The following HCN1 variants were observed in gnomAD, a reference collection of about 807,000 sequenced individuals.
The protein encoded by HCN1 is potassium/sodium hyperpolarization-activated cyclic nucleotide-gated channel 1.
A neutral mutation model predicts 78.9 loss-of-function variants in HCN1; 13 were observed. The ratio of observed to expected loss-of-function variants is 0.16; its 90% CI spans 0.11 to 0.26. The LOEUF (loss-of-function observed/expected upper bound fraction) is 0.26. HCN1 is among the 10% of genes least tolerant of loss of function. HCN1 has a pLI of 1.00. For synonymous variants in HCN1, 552 were observed against 455.5 expected (o/e 1.21, Z -2.70); for missense variants, 810 against 1,154.3 (o/e 0.70, Z 4.32).
intron 3 of HCN1, among the ~76,000 whole-genome samples, chr5:45,430,596 T>C (rs71616288): frequency 2.0e-5 from 3 of 152,098 alleles, no homozygotes; most frequent in South Asian, 2.1e-4. Flanking sequence ...TTGGGCTCCA[T>C]GTTGCTGCAA....
chr5:45,576,866 GC>G (rs1283689269), intron 2 of HCN1, among the ~76,000 whole-genome samples: 69 of 151,992 alleles, frequency 4.5e-4, no homozygotes. Context: ...TTCTCCATCA[GC>G]CCACCTTTCA....
At chr5:45,350,818 G>A (rs543727429) in intron 5 of HCN1, among the ~76,000 whole-genome samples, 2 of 152,196 alleles carry the variant, frequency 1.3e-5, no homozygotes, top group Non-Finnish European at 1.5e-5. Context: ...CAACTTACAA[G>A]GGACGTGAAG....
At chr5:45,538,492 T>C (rs1458292124) in intron 2 of HCN1, among the ~76,000 whole-genome samples, 1 of 152,198 alleles carries the variant, frequency 6.6e-6, no homozygotes, top group Non-Finnish European at 1.5e-5. Flanking sequence ...AAATGCAATT[T>C]CGTGAATCTA....
At chr5:45,424,363 C>G (rs550521390) in intron 3 of HCN1, among the ~76,000 whole-genome samples, 5 of 151,984 alleles carry the variant, frequency 3.3e-5, no homozygotes, top group Admixed American at 6.6e-5. Context: ...AAAGCTGTGC[C>G]TAAGAATCGT....
intron 3 of HCN1, among the ~76,000 whole-genome samples, chr5:45,406,647 C>T (rs1739930491): frequency 1.3e-5 from 2 of 152,182 alleles, no homozygotes; most frequent in Non-Finnish European, 2.9e-5. Context: ...GATAATTATA[C>T]TTTTATATGA....
chr5:45,654,652 G>A (rs1020236095), intron 1 of HCN1, among the ~76,000 whole-genome samples: 7 of 152,082 alleles, frequency 4.6e-5, no homozygotes, highest in African/African-American at 1.2e-4. Flanking sequence ...TTATCTTACC[G>A]ATAAGATAGT....
rs948061807 is a variant in HCN1 at position 45,262,230 on chromosome 5, G to A, written c.2364C>T (p.Ala788=). The change falls in exon 8 of 8, where the codon GCC becomes GCT. Residue 788 remains alanine, a synonymous_variant. Coordinates refer to ENST00000303230, the MANE Select transcript of HCN1 (RefSeq NM_021072.4). ...NLTREVRPLS[A]SQPSLPHEVS... is the part of the protein sequence containing the mutation. ...CCTCATGGGGCAGCGAGGGCTGCGA[G>A]GCGGAGAGTGGCCTGACTTCCCGGG... 6.2e-6 allele frequency: 10 copies of A among 1,613,948 alleles called. No individual in the cohort carries two copies. Among genetic ancestry groups the A allele is most frequent in the Non-Finnish European group, 8.5e-6 (10 of 1,180,046 alleles).
In HCN1 at chr5:45,640,704, A is replaced by C. The variant is rs1222552602; in HGVS notation, c.849+4481T>G. On this transcript the variant is annotated intron_variant, in intron 2 of 7. Transcript: ENST00000303230. ...GTTCTCCTGCCTCAGCCTCCTGAGA[A>C]GCTGAGATTACAGGCACCCGCCACC... 2.0e-5 allele frequency among the ~76,000 whole-genome samples: 3 copies of C among 151,904 alleles called. No homozygotes were observed. In the East Asian group the frequency reaches 5.8e-4, roughly 30 times the overall value.
chr5:45,263,414 T>C (rs979836630), intron 7 of HCN1, among the ~76,000 whole-genome samples: 1 of 151,966 alleles, frequency 6.6e-6, no homozygotes, highest in Non-Finnish European at 1.5e-5. Flanking sequence ...CACAAAAAAG[T>C]GATTGCACAT....
chr5:45,372,834 CA>C (rs1490358901), intron 4 of HCN1, among the ~76,000 whole-genome samples: 2 of 140,640 alleles, frequency 1.4e-5, no homozygotes, highest in Non-Finnish European at 3.0e-5. Flanking sequence ...GTATTCTATA[CA>C]GAAAAATATG....
intron 2 of HCN1, among the ~76,000 whole-genome samples, chr5:45,469,529 T>A (rs1026961158): frequency 3.9e-5 from 6 of 151,928 alleles, no homozygotes; most frequent in African/African-American, 1.2e-4. Flanking sequence ...TTATGATGGA[T>A]CTTTGAACCT....
At chr5:45,603,635 C>A (rs995060195) in intron 2 of HCN1, among the ~76,000 whole-genome samples, 4 of 152,030 alleles carry the variant, frequency 2.6e-5, no homozygotes, top group Admixed American at 2.6e-4. Flanking sequence ...GTATCCAATT[C>A]ATAGCTGCAA....
intron 4 of HCN1, among the ~76,000 whole-genome samples, chr5:45,385,697 G>T (rs1747895397): frequency 2.0e-5 from 3 of 152,048 alleles, no homozygotes; most frequent in Non-Finnish European, 1.5e-5. Flanking sequence ...TTAAAAACTG[G>T]GTGAAAAATC....
At chr5:45,326,627 G>A (rs942339024) in intron 5 of HCN1, among the ~76,000 whole-genome samples, 4 of 151,486 alleles carry the variant, frequency 2.6e-5, no homozygotes, top group African/African-American at 9.7e-5. Flanking sequence ...ATAAGTCAAA[G>A]GTAATTAGCC....
intron 1 of HCN1, among the ~76,000 whole-genome samples, chr5:45,663,792 A>T (rs1373707797): frequency 2.0e-5 from 3 of 151,022 alleles, no homozygotes; most frequent in Admixed American, 6.6e-5. Flanking sequence ...GGCAATCATT[A>T]AAAAGTCAGG....
chr5:45,409,369 T>G (rs1739984769), intron 3 of HCN1, among the ~76,000 whole-genome samples: 1 of 152,048 alleles, frequency 6.6e-6, no homozygotes, highest in Non-Finnish European at 1.5e-5. Context: ...ATCTAATGCT[T>G]AGAGATGGGC....
At chr5:45,357,227 T>A (rs925818076) in intron 4 of HCN1, among the ~76,000 whole-genome samples, 1 of 152,080 alleles carries the variant, frequency 6.6e-6, no homozygotes, top group Non-Finnish European at 1.5e-5. Flanking sequence ...TTGTATGTTT[T>A]CTGAATCTTT....
intron 2 of HCN1, among the ~76,000 whole-genome samples, chr5:45,510,005 A>C (rs1453217524): frequency 6.6e-6 from 1 of 152,120 alleles, no homozygotes; most frequent in East Asian, 1.9e-4. Flanking sequence ...ATGGACTATC[A>C]TCCATGTAAA....
At chr5:45,640,674 A>G (rs1745436570) in intron 2 of HCN1, among the ~76,000 whole-genome samples, 1 of 151,346 alleles carries the variant, frequency 6.6e-6, no homozygotes, top group Non-Finnish European at 1.5e-5. Context: ...TCCCAGGTTC[A>G]AGCTGTTCTC....
Sources: gnomAD v4.1 joint callset for allele counts (sites outside exome capture counted in the v4.1 genomes callset) on GRCh38, gnomAD v4.1.1 for gene constraint, MANE v1.5 for transcripts, NCBI Gene and HGNC (gene_info 2026-07-23, HGNC 2026-07-21) for gene names.